PRH1: variants seen among roughly 807,000 people sequenced by gnomAD.
PRH1 encodes the protein proline rich protein HaeIII subfamily 1, also known as salivary acidic proline-rich phosphoprotein 1/2.
Under a neutral mutation model 7.9 loss-of-function variants are expected in PRH1, and 7 were observed. That is an observed-to-expected ratio of 0.89 (90% confidence interval 0.50 to 1.67). The LOEUF is 1.67. Ranked by LOEUF, PRH1 falls within the 40% of genes most tolerant of loss-of-function variation. The probability of loss-of-function intolerance (pLI) is 0.00; values close to 1 mark genes in which losing one functional copy is unlikely to be tolerated. For synonymous variants in PRH1, 45 were observed against 80.8 expected (o/e 0.56, Z 2.38); for missense variants, 109 against 223.6 (o/e 0.49, Z 3.27).
At chr12:11,020,786 T>C (rs1941583146) in intron 1 of PRH1, among the ~76,000 whole-genome samples, 1 of 152,140 alleles carries the variant, frequency 6.6e-6, no homozygotes, top group Non-Finnish European at 1.5e-5. Flanking sequence ...TGAGTTTTTT[T>C]GAGGAATATT....
upstream of PRH1, chr12:10,884,393 T>C (rs1403691104): frequency 2.9e-6 from 2 of 695,432 alleles, no homozygotes; most frequent in Non-Finnish European, 5.0e-6. Flanking sequence ...CTCATTTCTT[T>C]TGGGACTCTA....
chr12:10,960,605 C>T (rs956191875), intron 2 of PRH1, among the ~76,000 whole-genome samples: 1 of 152,196 alleles, frequency 6.6e-6, no homozygotes, highest in Non-Finnish European at 1.5e-5. Flanking sequence ...TATGTCAGAG[C>T]TGTGTCACTT....
chr12:10,909,085 A>G (rs1201604636), intron 2 of PRH1: 1 of 1,613,550 alleles, frequency 6.2e-7, no homozygotes. Flanking sequence ...ATGGCTAGAT[A>G]ATGCAGAGCT....
At chr12:11,152,422 G>A (rs1947128046) in intron 1 of PRH1, among the ~76,000 whole-genome samples, 1 of 151,718 alleles carries the variant, frequency 6.6e-6, no homozygotes, top group South Asian at 2.1e-4. Flanking sequence ...ATACTTTTTA[G>A]AAAATTGCAC....
intron 2 of PRH1, among the ~76,000 whole-genome samples, chr12:10,956,898 CA>C (rs1224320383): frequency 1.3e-5 from 2 of 151,914 alleles, no homozygotes; most frequent in African/African-American, 4.8e-5. Context: ...AGAGACTGTT[CA>C]ATTAAATCCA....
At chr12:11,004,844 T>A (rs886782401) in intron 1 of PRH1, among the ~76,000 whole-genome samples, 1 of 152,100 alleles carries the variant, frequency 6.6e-6, no homozygotes, top group Non-Finnish European at 1.5e-5. Flanking sequence ...GTTTAACAAC[T>A]CCTAAAAGGA....
At chr12:11,143,079 A>G (rs1324524117) in intron 1 of PRH1, among the ~76,000 whole-genome samples, 1 of 151,804 alleles carries the variant, frequency 6.6e-6, no homozygotes, top group African/African-American at 2.4e-5. Context: ...GTGGTGTGTA[A>G]ACCTCGCTAA....
intron 1 of PRH1, among the ~76,000 whole-genome samples, chr12:11,026,951 T>C (rs1941945629): frequency 6.6e-6 from 1 of 152,252 alleles, no homozygotes; most frequent in African/African-American, 2.4e-5. Flanking sequence ...TTTTAAAACA[T>C]CGTGATTATT....
At chr12:11,150,699 TTAGGAGA>T (rs1013593806) in intron 1 of PRH1, among the ~76,000 whole-genome samples, 1 of 152,102 alleles carries the variant, frequency 6.6e-6, no homozygotes, top group African/African-American at 2.4e-5. Flanking sequence ...AGGGATAGCA[TTAGGAGA>T]TATACCTAAT....
chr12:10,992,545 G>C (rs962900304), intron 1 of PRH1, among the ~76,000 whole-genome samples: 2 of 151,974 alleles, frequency 1.3e-5, no homozygotes, highest in South Asian at 2.1e-4. Flanking sequence ...AGAACTTCCT[G>C]GGTAGTTGGA....
intron 2 of PRH1, among the ~76,000 whole-genome samples, chr12:10,928,774 C>T (rs1950158344): frequency 6.6e-6 from 1 of 152,180 alleles, no homozygotes; most frequent in Admixed American, 6.5e-5. Context: ...TATCCATGCA[C>T]ACACATCATG....
intron 1 of PRH1, chr12:10,986,736 G>A (rs1257632158): frequency 8.7e-6 from 14 of 1,612,752 alleles, no homozygotes; most frequent in Non-Finnish European, 1.1e-5. Flanking sequence ...GTCAGCTGAG[G>A]AGATCTTTTT....
At chr12:10,979,848 T>C (rs906974472) in intron 1 of PRH1, among the ~76,000 whole-genome samples, 2 of 152,134 alleles carry the variant, frequency 1.3e-5, no homozygotes, top group Non-Finnish European at 2.9e-5. Context: ...GTGGACTCTA[T>C]GTTTTTTGTC....
chr12:11,054,655 G>A (rs113379475), intron 1 of PRH1, among the ~76,000 whole-genome samples: 1,779 of 26,104 alleles, frequency 0.068, no homozygotes, highest in East Asian at 0.27. Flanking sequence ...AAATTGTCCT[G>A]TGTATTTAAT....
chr12:11,133,036 T>A, intron 1 of PRH1: 1 of 415,818 alleles, frequency 2.4e-6, no homozygotes, highest in Non-Finnish European at 4.1e-6. Flanking sequence ...AATTGAGGAA[T>A]TTTTGTCATA....
At chr12:10,923,697 A>G (rs1225945205) in intron 2 of PRH1, among the ~76,000 whole-genome samples, 1 of 152,242 alleles carries the variant, frequency 6.6e-6, no homozygotes, top group Non-Finnish European at 1.5e-5. Flanking sequence ...AGGCATAAGT[A>G]GCAGTTACTG....
chr12:11,016,488 T>A (rs1320590381), intron 1 of PRH1, among the ~76,000 whole-genome samples: 1 of 152,082 alleles, frequency 6.6e-6, no homozygotes, highest in Non-Finnish European at 1.5e-5. Flanking sequence ...CCAAACTAAT[T>A]TTTTGTTGTT....
At chr12:11,071,600 CA>C (rs1362071757) in intron 1 of PRH1, among the ~76,000 whole-genome samples, 1 of 152,098 alleles carries the variant, frequency 6.6e-6, no homozygotes, top group Non-Finnish European at 1.5e-5. Context: ...GGGAAGGTGA[CA>C]GAGTTGATTA....
chr12:11,170,114 G>A (rs1947772054), intron 1 of PRH1, among the ~76,000 whole-genome samples: 1 of 152,202 alleles, frequency 6.6e-6, no homozygotes, highest in South Asian at 2.1e-4. Flanking sequence ...AATGAAGACG[G>A]TGTGTGCGAT....
Sources: allele counts gnomAD v4.1 joint callset (sites outside exome capture counted in the v4.1 genomes callset), GRCh38; gene constraint gnomAD v4.1.1; transcripts MANE v1.5; gene names NCBI Gene and HGNC (gene_info 2026-07-23, HGNC 2026-07-21).